APLP1: variants seen among roughly 807,000 people sequenced by gnomAD.
APLP1 encodes the protein amyloid beta precursor like protein 1.
APLP1 carries 46 observed loss-of-function variants against 84.5 expected under a neutral mutation model. That is an observed-to-expected ratio of 0.54 (90% CI 0.43 to 0.70). APLP1 has a LOEUF of 0.70. APLP1 is among the 30% of genes least tolerant of loss of function. APLP1 has a pLI of 0.00. For synonymous variants in APLP1, 376 were observed against 364.0 expected, an observed-to-expected ratio of 1.03 and a Z score of -0.38; for missense variants, 826 against 900.2, an observed-to-expected ratio of 0.92 and a Z score of 1.05.
chr19:35,873,091 G>A (rs931150562), intron 7 of APLP1, among the ~76,000 whole-genome samples: 5 of 151,420 alleles, frequency 3.3e-5, no homozygotes, highest in East Asian at 2.0e-4. Context: ...AACTCCCGGC[G>A]GGAGGAGATC....
chr19:35,878,558 A>AG (rs754805915), intron 13 of APLP1, 26 bp from the exon 14 acceptor site: 1 of 1,612,924 alleles, frequency 6.2e-7, no homozygotes, highest in Admixed American at 1.7e-5. Flanking sequence ...GAAAAAAAAA[A>AG]AGAATGAGAT....
At position 35,879,081 on chromosome 19, in the gene APLP1, C is replaced by T. The variant is rs1974349132; in HGVS notation, c.1721C>T (p.Ala574Val). 1.2e-6 allele frequency: 2 copies of T among 1,612,266 alleles called. No individual in the cohort carries two copies. Among genetic ancestry groups the T allele is most frequent in the Non-Finnish European group, 8.5e-7 (1 of 1,179,964 alleles). Residue 574 changes from alanine to valine, a missense_variant, in exon 16 of 17, where the codon GCT becomes GTT. By Grantham distance (64) the Ala-to-Val change is moderately conservative. Coordinates refer to ENST00000221891, the MANE Select transcript of APLP1 (RefSeq NM_001024807.3). ...SEIQRDELAP[A>V]GTGVSREAVS... ...CATCTCCTCTCCCTGCAGGCACCAG[C>T]TGGGACAGGGGTGTCCCGTGAGGCT...
rs768690006 is a variant in APLP1, at chr19:35,871,219, T to A, written c.425-18T>A. 3.2e-5 allele frequency: 51 copies of A among 1,608,606 alleles called. No homozygotes were observed. In the East Asian group the frequency reaches 1.1e-3, roughly 34 times the overall value. On this transcript the variant is annotated intron_variant, in intron 3 of 16. Coordinates refer to ENST00000221891, the MANE Select transcript of APLP1 (RefSeq NM_001024807.3). ...TGGCTATAGGAGGATCTCACCCTGG[T>A]GTCCCGTGCTTCCCCAGCTGGTGAA...
At chr19:35,876,745 A>G in intron 11 of APLP1, 129 bp downstream of exon 11, 1 of 753,418 alleles carries the variant, frequency 1.3e-6, no homozygotes, top group Admixed American at 3.5e-5. Flanking sequence ...GTGAAAATCA[A>G]CAATGATTTT....
Position 35,868,758 on chromosome 19 carries a change from C to T in APLP1, c.122C>T (p.Ala41Val). 2 of 1,343,928 alleles carry T rather than the reference C, an allele frequency of 1.5e-6. No homozygotes were observed. The highest frequency in any genetic ancestry group is 3.9e-5 in the Admixed American group (1 of 25,690). 83.3% of individuals were successfully genotyped at this position (1,343,928 alleles called of 1,614,324 possible). ...LRAQPAIGSL[A>V]GGSPGAAEAP... ...GCGCAGCCCGCCATCGGGAGCCTGG[C>T]CGGTGGGAGCCCCGGCGCGGCCGAG... The change falls in exon 1 of 17, where the codon GCC becomes GTC. Residue 41 changes from alanine to valine, a missense_variant. Transcript: ENST00000221891. This position sits in a 1 kb window ranked among gnomAD's most constrained non-coding sequence, Gnocchi z 5.2.
At chr19:35,877,505 A>C (rs1165875842) in intron 11 of APLP1, among the ~76,000 whole-genome samples, 1 of 151,626 alleles carries the variant, frequency 6.6e-6, no homozygotes, top group African/African-American at 2.4e-5. Flanking sequence ...AAAAAAACAA[A>C]AAAAAAACAT....
Position 35,874,357 on chromosome 19 carries a change from C to T in APLP1, c.1057-147C>T. 2 of 964,882 alleles carry T rather than the reference C, an allele frequency of 2.1e-6. No homozygotes were observed. Among genetic ancestry groups the T allele is most frequent in the Non-Finnish European group, 3.1e-6 (2 of 638,956 alleles). 59.8% of individuals were successfully genotyped at this position (964,882 alleles called of 1,614,324 possible). ...ACTCTGCCTGGCCCTGTAGCCCACC[C>T]CTTCCAGTCCATAACCTTTGGTTCT... On this transcript the variant is annotated intron_variant, in intron 8 of 16. Transcript: ENST00000221891. This position sits in a 1 kb window ranked among gnomAD's most constrained non-coding sequence, Gnocchi z 6.4.
At chr19:35,869,251 G>T (rs1974076463) in intron 1 of APLP1, 1 of 482,792 alleles carries the variant, frequency 2.1e-6, no homozygotes, top group South Asian at 2.7e-5. Flanking sequence ...CTGGTGTCCA[G>T]GACTGTAGGC....
At chr19:35,871,479 AT>A in intron 4 of APLP1, 130 bp downstream of exon 4, 1 of 1,384,592 alleles carries the variant, frequency 7.2e-7, no homozygotes. Flanking sequence ...TAAGAATTTC[AT>A]CCCCCAACCC....
intron 11 of APLP1, among the ~76,000 whole-genome samples, chr19:35,877,004 C>T (rs1974297696): frequency 2.0e-5 from 3 of 152,206 alleles, no homozygotes; most frequent in Admixed American, 6.5e-5. Flanking sequence ...TCTAAGACAT[C>T]ACAGTGGAAG....
chr19:35,871,565 C>T (rs779443558), intron 4 of APLP1, 47 bp from the exon 5 acceptor site: 6 of 1,610,210 alleles, frequency 3.7e-6, no homozygotes, highest in East Asian at 2.2e-5. Flanking sequence ...CCCCATCTAC[C>T]CCCTCCCATC....
At chr19:35,873,016 C>T (rs991829663) in intron 7 of APLP1, among the ~76,000 whole-genome samples, 8 of 152,044 alleles carry the variant, frequency 5.3e-5, no homozygotes, top group South Asian at 2.1e-4. Context: ...CCCACCACCA[C>T]GCCCGGCTAA....
In APLP1 at chr19:35,874,406, G is replaced by A; in HGVS notation, c.1057-98G>A. 6.9e-6 allele frequency: 10 copies of A among 1,459,100 alleles called. No individual in the cohort carries two copies. Among genetic ancestry groups the A allele is most frequent in the Non-Finnish European group, 9.4e-6 (10 of 1,060,492 alleles). The allele number at this position is 1,459,100 out of a possible 1,614,324, so 90.4% of individuals were successfully genotyped here. ...CTGCCCAGGCCTGGACCCCTGGAAC[G>A]CCCCCCAACCCCATGTAGCCCTGCC... On this transcript the variant is annotated intron_variant, in intron 8 of 16. Transcript: ENST00000221891. The surrounding 1 kb of genome is among the most constrained non-coding windows in gnomAD (Gnocchi z 6.4).
rs776902518 is a variant in APLP1 at position 35,873,597 on chromosome 19, C to T, written c.982-42C>T. ...GGGTTGGGGGACTTGCCAGGTGGAT[C>T]AGGGTGGATTCTGGGATCCTGAAGC... is the stretch of plus-strand genomic sequence containing the variant. On this transcript the variant is annotated intron_variant, in intron 7 of 16. Coordinates refer to ENST00000221891, the MANE Select transcript of APLP1 (RefSeq NM_001024807.3). 8.5e-5 allele frequency: 136 copies of T among 1,602,464 alleles called. 1 individual carries two copies. The East Asian group carries it at 2.9e-3, about 34-fold the overall frequency.
In APLP1 at chr19:35,871,234, C is replaced by T; in HGVS notation, c.425-3C>T. 3 of 1,612,744 alleles carry T rather than the reference C, an allele frequency of 1.9e-6. No homozygotes were observed. The highest frequency in any genetic ancestry group is 2.5e-6 in the Non-Finnish European group (3 of 1,179,384). On this transcript the variant is annotated splice_region_variant and splice_polypyrimidine_tract_variant and intron_variant, in intron 3 of 16. Coordinates refer to ENST00000221891, the MANE Select transcript of APLP1 (RefSeq NM_001024807.3). The stretch of plus-strand genomic sequence containing the variant: ...CTCACCCTGGTGTCCCGTGCTTCCC[C>T]AGCTGGTGAATTTGTGAGTGAGGCC...
At position 35,872,688 on chromosome 19, in the gene APLP1, A is replaced by G. The variant is rs1039085621; in HGVS notation, c.981+75A>G. The stretch of plus-strand genomic sequence containing the variant: ...ATACCAGGAAATTCCTCCAGGACAC[A>G]TTGATACTACCTCCAAAGGCTCCCT... On this transcript the variant is annotated intron_variant, in intron 7 of 16. Coordinates refer to ENST00000221891, the MANE Select transcript of APLP1 (RefSeq NM_001024807.3). The G allele has an allele frequency of 1.3e-5, 19 of 1,505,592 alleles. No homozygotes were observed. In the African/African-American group the frequency reaches 2.4e-4, roughly 19 times the overall value. The allele number at this position is 1,505,592 out of a possible 1,614,324, so 93.3% of individuals were successfully genotyped here. A position where few individuals can be genotyped will look rare whatever the true frequency, so the allele number is the denominator to read the frequency against.
intron 3 of APLP1, 35 bp from the exon 4 acceptor site, chr19:35,871,202 G>A (rs1475798758): frequency 6.3e-7 from 1 of 1,598,778 alleles, no homozygotes; most frequent in Non-Finnish European, 8.5e-7. Flanking sequence ...GGTGGCTATA[G>A]GAGGATCTCA....
At chr19:35,875,811 G>A (rs1453305117) in intron 10 of APLP1, among the ~76,000 whole-genome samples, 3 of 149,776 alleles carry the variant, frequency 2.0e-5, no homozygotes, top group Non-Finnish European at 3.0e-5. Flanking sequence ...CAGAGACAGG[G>A]TTTTGCCATG....
intron 10 of APLP1, among the ~76,000 whole-genome samples, chr19:35,875,274 G>GCCTCAGCC (rs1429647295): frequency 6.7e-6 from 1 of 148,174 alleles, no homozygotes; most frequent in East Asian, 2.0e-4. Context: ...CAATTCTCCT[G>GCCTCAGCC]CCTCAGCCTC....
Sources: allele counts gnomAD v4.1 joint callset (sites outside exome capture counted in the v4.1 genomes callset), GRCh38; gene constraint gnomAD v4.1.1; non-coding constraint Gnocchi (gnomAD v3.1); transcripts MANE v1.5; gene names NCBI Gene and HGNC (gene_info 2026-07-23, HGNC 2026-07-21).